PCDH11X: variants seen among roughly 807,000 people sequenced by gnomAD.
The protein encoded by PCDH11X is protocadherin-11 X-linked.
Under a neutral mutation model 53.3 loss-of-function variants are expected in PCDH11X, and 18 were observed. The observed-to-expected ratio is 0.34, with a 90% CI of 0.23 to 0.50. The LOEUF is 0.50. PCDH11X is among the 20% of genes least tolerant of loss of function. The probability of loss-of-function intolerance (pLI) is 0.98; values close to 1 mark genes in which losing one functional copy is unlikely to be tolerated. For missense variants in PCDH11X, 570 were observed against 1,032.4 expected (o/e 0.55, Z 6.14); for synonymous variants, 279 against 393.3 (o/e 0.71, Z 3.44).
chrX:91,971,612 T>G (rs2061961482), intron 6 of PCDH11X, among the ~76,000 whole-genome samples: 1 of 111,857 alleles, frequency 8.9e-6, no homozygotes, highest in Non-Finnish European at 1.9e-5. Flanking sequence ...TAATGAGCAA[T>G]TTGACTTTTA....
intron 6 of PCDH11X, among the ~76,000 whole-genome samples, chrX:91,905,888 G>T (rs2524583): frequency 0.47 from 51,043 of 109,380 alleles, 8,686 homozygotes; most frequent in East Asian, 0.67. Context: ...TTATTGTGAC[G>T]TTTCCTGCAT....
At chrX:92,536,283 G>T (rs1481217557) in intron 10 of PCDH11X, among the ~76,000 whole-genome samples, 2 of 111,086 alleles carry the variant, frequency 1.8e-5, no homozygotes, top group Non-Finnish European at 3.8e-5. Context: ...TATTTTATCT[G>T]CCAGTTCCTG....
At chrX:91,985,206 C>G (rs1220655889) in intron 6 of PCDH11X, among the ~76,000 whole-genome samples, 1 of 112,179 alleles carries the variant, frequency 8.9e-6, no homozygotes, top group Non-Finnish European at 1.9e-5. Context: ...GTTTTACATG[C>G]TTAAAGTTTA....
intron 7 of PCDH11X, among the ~76,000 whole-genome samples, chrX:92,245,591 G>T (rs1414605086): frequency 3.6e-5 from 4 of 112,127 alleles, no homozygotes; most frequent in Non-Finnish European, 7.5e-5. Context: ...AAGCTAGCCT[G>T]GTGAATGAAT....
chrX:92,263,755 CA>C (rs2067767626), intron 8 of PCDH11X, among the ~76,000 whole-genome samples: 1 of 112,066 alleles, frequency 8.9e-6, no homozygotes, highest in Non-Finnish European at 1.9e-5. Context: ...ATGAACAGTC[CA>C]GACTTCTAGA....
chrX:91,818,184 G>A (rs1602279666), intron 4 of PCDH11X, among the ~76,000 whole-genome samples: 1 of 111,053 alleles, frequency 9.0e-6, no homozygotes, highest in East Asian at 2.8e-4. Context: ...TACAGAGTAT[G>A]TTATAATTCT....
At chrX:92,411,985 AGAAGG>A (rs2071678768) in intron 9 of PCDH11X, among the ~76,000 whole-genome samples, 1 of 12,356 alleles carries the variant, frequency 8.1e-5, no homozygotes, top group Non-Finnish European at 1.9e-4. Context: ...AAGAAGAAGA[AGAAGG>A]GGAGGAGGAG....
chrX:92,402,307 C>G (rs1367576666), intron 9 of PCDH11X, among the ~76,000 whole-genome samples: 2 of 111,583 alleles, frequency 1.8e-5, no homozygotes, highest in Non-Finnish European at 3.8e-5. Flanking sequence ...CATATGGAAC[C>G]AAAAGAGAGC....
intron 6 of PCDH11X, among the ~76,000 whole-genome samples, chrX:91,977,723 A>G (rs1258821019): frequency 9.0e-6 from 1 of 111,326 alleles, no homozygotes; most frequent in African/African-American, 3.3e-5. Context: ...CATATGATCT[A>G]AAAAACTGGC....
At chrX:92,390,070 T>G (rs5984949) in intron 9 of PCDH11X, among the ~76,000 whole-genome samples, 3,858 of 110,823 alleles carry the variant, frequency 0.035, 141 homozygotes, top group African/African-American at 0.1. Context: ...GCTTATTATT[T>G]TAATAAACTT....
At chrX:91,825,694 T>C (rs1263033897) in intron 4 of PCDH11X, among the ~76,000 whole-genome samples, 2 of 108,327 alleles carry the variant, frequency 1.8e-5, no homozygotes, top group Non-Finnish European at 3.8e-5. Context: ...CCATCTTGGC[T>C]CCTCCCTCCA....
chrX:92,141,144 T>TTC (rs989161196), intron 6 of PCDH11X, among the ~76,000 whole-genome samples: 2 of 111,538 alleles, frequency 1.8e-5, no homozygotes, highest in Non-Finnish European at 3.8e-5. Context: ...TTTAGTCCAT[T>TTC]TCTCTTAACA....
At chrX:92,519,467 T>G (rs1450308265) in intron 10 of PCDH11X, among the ~76,000 whole-genome samples, 1 of 106,590 alleles carries the variant, frequency 9.4e-6, no homozygotes, top group Admixed American at 1.0e-4. Flanking sequence ...TAAGTATAAT[T>G]AATTATGACT....
At chrX:92,537,198 C>T (rs1452638109) in intron 10 of PCDH11X, among the ~76,000 whole-genome samples, 2 of 103,567 alleles carry the variant, frequency 1.9e-5, no homozygotes, top group African/African-American at 3.5e-5. Context: ...TTTAACTTTA[C>T]GTGATCCCAT....
chrX:92,597,965 G>C (rs1344967318), intron 10 of PCDH11X, among the ~76,000 whole-genome samples: 3 of 111,342 alleles, frequency 2.7e-5, no homozygotes, highest in Non-Finnish European at 5.7e-5. Context: ...GGGAAAACTG[G>C]ATATTCACAT....
chrX:92,471,679 A>G (rs1282970617), intron 10 of PCDH11X, among the ~76,000 whole-genome samples: 1 of 107,657 alleles, frequency 9.3e-6, no homozygotes, highest in Non-Finnish European at 1.9e-5. Context: ...TCTTTGAGTA[A>G]TTGCCACACT....
At chrX:91,802,392 A>G (rs1446124782) in intron 1 of PCDH11X, among the ~76,000 whole-genome samples, 1 of 111,761 alleles carries the variant, frequency 8.9e-6, no homozygotes, top group African/African-American at 3.3e-5. Context: ...TCTCACCACC[A>G]CACGTTGTCT....
At chrX:91,800,276 A>G (rs1307140831) in intron 1 of PCDH11X, among the ~76,000 whole-genome samples, 5 of 111,275 alleles carry the variant, frequency 4.5e-5, no homozygotes, top group Non-Finnish European at 9.4e-5. Flanking sequence ...TTCTTCTACA[A>G]GTAGGCATCT....
At chrX:92,071,746 C>T (rs895965644) in intron 6 of PCDH11X, among the ~76,000 whole-genome samples, 1 of 111,339 alleles carries the variant, frequency 9.0e-6, no homozygotes, top group African/African-American at 3.3e-5. Flanking sequence ...AGAGAGTATG[C>T]TCTTTTCTCT....
Sources: allele counts gnomAD v4.1 joint callset (sites outside exome capture counted in the v4.1 genomes callset), GRCh38; gene constraint gnomAD v4.1.1; transcripts MANE v1.5; gene names NCBI Gene and HGNC (gene_info 2026-07-23, HGNC 2026-07-21).